The following ZNF608 variants were observed in gnomAD, a reference collection of about 807,000 sequenced individuals.
ZNF608 encodes renal carcinoma antigen NY-REN-36.
In ZNF608, 12 loss-of-function variants were observed where a neutral mutation model predicts 109.0. The observed-to-expected ratio is 0.11, with a 90% CI of 0.07 to 0.18. The LOEUF (loss-of-function observed/expected upper bound fraction) is 0.18. Among genes scored for constraint, ZNF608 ranks in the 10% least tolerant of loss-of-function variants. The pLI, the probability that ZNF608 is intolerant of heterozygous loss-of-function variation, is 1.00. For synonymous variants in ZNF608, 732 were observed against 717.4 expected (o/e 1.02, Z -0.33); for missense variants, 1,707 against 1,879.3 (o/e 0.91, Z 1.70).
chr5:124,644,201 A>G lies in ZNF608; in HGVS notation c.4123+43T>C, dbSNP rs1224543915. 2.7e-6 allele frequency: 4 copies of G among 1,505,026 alleles called. No homozygotes were observed. In the South Asian group the frequency reaches 5.5e-5, roughly 21 times the overall value. The allele number at this position is 1,505,026 out of a possible 1,614,324, so 93.2% of individuals were successfully genotyped here. A position where few individuals can be genotyped will look rare whatever the true frequency, so the allele number is the denominator to read the frequency against. ...AGTTTTTAACAGCTAATATTTGAAC[A>G]TCGCCTCTTTCCTCCAATATAGTCA... On this transcript the variant is annotated intron_variant, in intron 6 of 9. Coordinates refer to ENST00000513986, the MANE Select transcript of ZNF608 (RefSeq NM_020747.3).
intron 2 of ZNF608, among the ~76,000 whole-genome samples, chr5:124,733,335 A>G (rs1748993973): frequency 6.6e-6 from 1 of 151,700 alleles, no homozygotes. Context: ...TGGAGTTTAT[A>G]AAACTATGCA....
intron 2 of ZNF608, among the ~76,000 whole-genome samples, chr5:124,712,915 G>A (rs1301427279): frequency 6.6e-6 from 1 of 152,184 alleles, no homozygotes; most frequent in Non-Finnish European, 1.5e-5. Context: ...TGATCTTTGA[G>A]AAACCAGATC....
At chr5:124,677,766 T>A (rs554049321) in intron 3 of ZNF608, among the ~76,000 whole-genome samples, 1 of 152,264 alleles carries the variant, frequency 6.6e-6, no homozygotes, top group Admixed American at 6.5e-5. Flanking sequence ...CAGCTTATTA[T>A]GATCAATAGA....
chr5:124,708,734 C>T (rs1221700735), intron 2 of ZNF608: 3 of 456,162 alleles, frequency 6.6e-6, no homozygotes, highest in Non-Finnish European at 1.3e-5. Flanking sequence ...CCAACCCTGC[C>T]CTCAAGTGCT....
chr5:124,659,807 C>A (rs935535408), intron 3 of ZNF608, among the ~76,000 whole-genome samples: 12 of 152,182 alleles, frequency 7.9e-5, no homozygotes, highest in African/African-American at 2.4e-4. Flanking sequence ...CAGTGGGAAC[C>A]AATTGACAAT....
At chr5:124,669,718 C>T (rs1580585989) in intron 3 of ZNF608, among the ~76,000 whole-genome samples, 2 of 151,880 alleles carry the variant, frequency 1.3e-5, no homozygotes, top group South Asian at 4.2e-4. Flanking sequence ...GGTTTCATAC[C>T]TAGGCTTATC....
At chr5:124,665,918 T>G (rs115630000) in intron 3 of ZNF608, among the ~76,000 whole-genome samples, 4,614 of 152,298 alleles carry the variant, frequency 0.03, 147 homozygotes, top group South Asian at 0.12. Context: ...GATTTGTCAT[T>G]GCTTAAAATA....
chr5:124,714,309 T>C (rs1482887627), intron 2 of ZNF608, among the ~76,000 whole-genome samples: 3 of 152,208 alleles, frequency 2.0e-5, no homozygotes, highest in Non-Finnish European at 4.4e-5. Flanking sequence ...CTCAAACACA[T>C]TCTGTTGAGG....
At chr5:124,683,006 G>A (rs1752256260) in intron 3 of ZNF608, among the ~76,000 whole-genome samples, 1 of 141,020 alleles carries the variant, frequency 7.1e-6, no homozygotes, top group African/African-American at 2.8e-5. Flanking sequence ...TTCCATTTTG[G>A]GTGCTCTGTC....
At chr5:124,716,041 G>T (rs928449844) in intron 2 of ZNF608, among the ~76,000 whole-genome samples, 1 of 151,414 alleles carries the variant, frequency 6.6e-6, no homozygotes, top group African/African-American at 2.4e-5. Flanking sequence ...TACTGGGGAG[G>T]CTGAGGCAGG....
Position 124,744,593 on chromosome 5 carries a change from T to A in ZNF608, c.397A>T (p.Thr133Ser). The change falls in exon 2 of 10, where the codon ACT (threonine) becomes TCT (serine). Residue 133 changes from threonine (T) to serine (S), a missense_variant. This residue lies in a region of ZNF608 where 407 missense variants were observed against 398.7 expected (regional missense o/e 1.02). Coordinates refer to ENST00000513986, the MANE Select transcript of ZNF608 (RefSeq NM_020747.3). The surrounding 1 kb of genome is among the most constrained non-coding windows in gnomAD (Gnocchi z 4.5). ...CCTTGGACTTCCTGCCTCTTGCCAGTGCTGCTGATCTCGGGAATCCCATAC... is the reference window on the plus strand; with the variant it reads ...CCTTGGACTTCCTGCCTCTTGCCAGAGCTGCTGATCTCGGGAATCCCATAC... ...ALYGIPEISS[T>S]GKRQEVQGRP... The A allele has an allele frequency of 6.2e-7, 1 of 1,614,246 alleles. No individual in the cohort carries two copies. Among genetic ancestry groups the A allele is most frequent in the Non-Finnish European group, 8.5e-7 (1 of 1,180,038 alleles).
intron 2 of ZNF608, among the ~76,000 whole-genome samples, chr5:124,736,441 G>GA (rs1749151486): frequency 6.6e-6 from 1 of 151,854 alleles, no homozygotes; most frequent in Admixed American, 6.6e-5. Flanking sequence ...GCACGCTTTG[G>GA]AAAAAAAAGT....
chr5:124,695,546 C>T (rs1752811418), intron 3 of ZNF608, among the ~76,000 whole-genome samples: 1 of 152,056 alleles, frequency 6.6e-6, no homozygotes, highest in African/African-American at 2.4e-5. Context: ...AGGTGGATTG[C>T]TTGAGCCCAG....
Position 124,644,514 on chromosome 5 carries a change from G to T in ZNF608, c.3853C>A (p.Pro1285Thr). The T allele has an allele frequency of 1.2e-6, 2 of 1,614,086 alleles. No individual in the cohort carries two copies. The highest frequency in any genetic ancestry group is 2.2e-5 in the South Asian group (2 of 91,062). The change falls in exon 6 of 10, where the codon CCT becomes ACT. Residue 1285 changes from proline (P) to threonine (T), a missense_variant. Around this residue, in one of 7 missense-constraint regions of ZNF608, gnomAD observed 1,073 missense variants for 1,133.5 expected, o/e 0.95. Transcript: ENST00000513986. ...TCTTTAATGCTTGTTAACGATACAG[G>T]AAGGCTGGGCACACCACTCTCTTTA... Reference protein sequence around the residue: ...PNKESGVPSLPVSLTSIKEEP... With the variant: ...PNKESGVPSLTVSLTSIKEEP...
At chr5:124,638,841 CA>C in intron 9 of ZNF608, 1 of 1,132,898 alleles carries the variant, frequency 8.8e-7, no homozygotes, top group Non-Finnish European at 1.1e-6. Context: ...CATAATAAAA[CA>C]AAGGGAGTCA....
chr5:124,715,977 A>C (rs1005058107), intron 2 of ZNF608, among the ~76,000 whole-genome samples: 1 of 151,976 alleles, frequency 6.6e-6, no homozygotes, highest in Non-Finnish European at 1.5e-5. Context: ...CCCTGTCTCT[A>C]CTAAAAATAC....
At chr5:124,655,252 G>A (rs1190760150) in intron 3 of ZNF608, among the ~76,000 whole-genome samples, 2 of 152,154 alleles carry the variant, frequency 1.3e-5, no homozygotes, top group Non-Finnish European at 2.9e-5. Flanking sequence ...ATTATTTCTG[G>A]TATTTGTGAA....
At chr5:124,675,139 A>G (rs1446414552) in intron 3 of ZNF608, among the ~76,000 whole-genome samples, 1 of 152,236 alleles carries the variant, frequency 6.6e-6, no homozygotes, top group Middle Eastern at 3.2e-3. Context: ...TCAGATAAAA[A>G]TACACCCTGA....
intron 3 of ZNF608, among the ~76,000 whole-genome samples, chr5:124,675,038 G>A (rs903942381): frequency 6.6e-6 from 1 of 152,082 alleles, no homozygotes; most frequent in Non-Finnish European, 1.5e-5. Context: ...CAAAGCACAT[G>A]ACTATGTTTG....
Sources: gnomAD v4.1 joint callset for allele counts (sites outside exome capture counted in the v4.1 genomes callset) on GRCh38, gnomAD v4.1.1 for gene constraint, gnomAD v4.1.1 regional missense constraint, Gnocchi (gnomAD v3.1) non-coding constraint, MANE v1.5 for transcripts, NCBI Gene and HGNC (gene_info 2026-07-23, HGNC 2026-07-21) for gene names.